Variants in PCDHGA2 observed in about 807,000 individuals in gnomAD.
PCDHGA2 encodes the protein protocadherin gamma subfamily A, 2, also known as protocadherin gamma-A2.
In PCDHGA2, 40 loss-of-function variants were observed where a neutral mutation model predicts 59.2. That is an observed-to-expected ratio of 0.68 (90% CI 0.52 to 0.88). The LOEUF (loss-of-function observed/expected upper bound fraction) is 0.88, where lower values mean the gene tolerates loss of function less well. Among genes scored for constraint, PCDHGA2 ranks in the 40% least tolerant of loss-of-function variants. PCDHGA2 has a pLI of 0.00. For missense variants in PCDHGA2, 1,226 were observed against 1,204.0 expected (o/e 1.02, Z -0.27); for synonymous variants, 560 against 526.0 (o/e 1.06, Z -0.89).
intron 1 of PCDHGA2, chr5:141,362,094 A>G (rs749569389): frequency 6.2e-7 from 1 of 1,613,384 alleles, no homozygotes; most frequent in East Asian, 2.2e-5. Context: ...GACAGCCGCC[A>G]CTCTCCGCTA....
chr5:141,466,223 T>C (rs1313406487), intron 1 of PCDHGA2, among the ~76,000 whole-genome samples: 1 of 152,096 alleles, frequency 6.6e-6, no homozygotes, highest in African/African-American at 2.4e-5. Context: ...CAGGCTGGAG[T>C]GCAGTGGCAC....
intron 1 of PCDHGA2, chr5:141,405,524 A>T (rs1430059160): frequency 7.4e-6 from 5 of 677,158 alleles, no homozygotes; most frequent in Non-Finnish European, 1.2e-5. Context: ...AATTCAAGCG[A>T]TTCTCCTGCC....
At chr5:141,351,308 A>C (rs1758689711) in intron 1 of PCDHGA2, 1 of 1,613,836 alleles carries the variant, frequency 6.2e-7, no homozygotes, top group African/African-American at 1.3e-5. Context: ...GTCCTTCTCT[A>C]ACCAGATTCC....
chr5:141,345,862 A>C (rs1166256856), intron 1 of PCDHGA2: 1 of 1,612,574 alleles, frequency 6.2e-7, no homozygotes, highest in Non-Finnish European at 8.5e-7. Flanking sequence ...CGCCTGCTCA[A>C]GGCCAGCGAG....
At chr5:141,390,565 G>A in intron 1 of PCDHGA2, 2 of 420,818 alleles carry the variant, frequency 4.8e-6, no homozygotes, top group Non-Finnish European at 8.5e-6. Context: ...ACAGTTGTTG[G>A]CTCTCTCCTA....
chr5:141,357,443 C>G, intron 1 of PCDHGA2: 2 of 1,614,222 alleles, frequency 1.2e-6, no homozygotes, highest in Non-Finnish European at 8.5e-7. Flanking sequence ...GGGGTTCGGG[C>G]TTTCCTGCAG....
Position 141,431,601 on chromosome 5 carries a change from T to G in PCDHGA2, c.2425-63206T>G. 1 of 1,614,202 alleles carries G rather than the reference T, an allele frequency of 6.2e-7. No homozygotes were observed. Among genetic ancestry groups the G allele is most frequent in the Non-Finnish European group, 8.5e-7 (1 of 1,180,032 alleles). On this transcript the variant is annotated intron_variant, in intron 1 of 3. Transcript: ENST00000394576. The surrounding 1 kb of genome is among the most constrained non-coding windows in gnomAD (Gnocchi z 4.8). Reference sequence around the variant, plus strand: ...GTCAATGCGGAAGTGAGGTATTCCTTCCGGTATGTGGACGACAAGGCGGCC... The same window carrying G: ...GTCAATGCGGAAGTGAGGTATTCCTGCCGGTATGTGGACGACAAGGCGGCC...
At chr5:141,502,082 G>A (rs538827992) in intron 2 of PCDHGA2, among the ~76,000 whole-genome samples, 1 of 152,252 alleles carries the variant, frequency 6.6e-6, no homozygotes, top group Non-Finnish European at 1.5e-5. Flanking sequence ...ACCTGGGGCT[G>A]AGAACACCTG....
In PCDHGA2 at chr5:141,476,331, C is replaced by T; in HGVS notation, c.2425-18476C>T. On this transcript the variant is annotated intron_variant, in intron 1 of 3. Transcript: ENST00000394576. This position sits in a 1 kb window ranked among gnomAD's most constrained non-coding sequence, Gnocchi z 7.6. Reference sequence around the variant, plus strand: ...CGCAGGTTCCGGGTGGTGTCTGGAGCTAGCCGAAGATTCTTTGAGGTGAAC... The same window carrying T: ...CGCAGGTTCCGGGTGGTGTCTGGAGTTAGCCGAAGATTCTTTGAGGTGAAC... 1.2e-6 allele frequency: 2 copies of T among 1,614,156 alleles called. No individual in the cohort carries two copies. Among genetic ancestry groups the T allele is most frequent in the Non-Finnish European group, 1.7e-6 (2 of 1,180,042 alleles).
At chr5:141,345,556 A>C (rs1757595132) in intron 1 of PCDHGA2, 1 of 1,613,822 alleles carries the variant, frequency 6.2e-7, no homozygotes, top group Non-Finnish European at 8.5e-7. Context: ...GTCTCTATCA[A>C]CTCCAACACT....
At chr5:141,502,907 G>C (rs1335363561) in intron 2 of PCDHGA2, among the ~76,000 whole-genome samples, 2 of 138,924 alleles carry the variant, frequency 1.4e-5, no homozygotes, top group Non-Finnish European at 3.0e-5. Context: ...CTGTTGCCAG[G>C]CTGGAGTGCA....
intron 1 of PCDHGA2, chr5:141,346,668 T>C: frequency 1.4e-6 from 1 of 708,510 alleles, no homozygotes; most frequent in Non-Finnish European, 2.3e-6. Context: ...AAATAATACA[T>C]CGTGAGTGAA....
chr5:141,439,131 T>A (rs2098090046), intron 1 of PCDHGA2, among the ~76,000 whole-genome samples: 1 of 150,502 alleles, frequency 6.6e-6, no homozygotes, highest in Non-Finnish European at 1.5e-5. Flanking sequence ...AGACAGAGGT[T>A]GCAGTGAGCT....
intron 1 of PCDHGA2, among the ~76,000 whole-genome samples, chr5:141,349,468 A>G (rs1457448443): frequency 6.6e-6 from 1 of 152,214 alleles, no homozygotes; most frequent in Non-Finnish European, 1.5e-5. Flanking sequence ...GTGTACCCCA[A>G]CACTAAATTG....
At position 141,432,807 on chromosome 5, in the gene PCDHGA2, ACT is replaced by A. The variant is rs542925824; in HGVS notation, c.2425-61997_2425-61996del. On this transcript the variant is annotated intron_variant, in intron 1 of 3. Coordinates refer to ENST00000394576, the MANE Select transcript of PCDHGA2 (RefSeq NM_018915.4). This position sits in a 1 kb window ranked among gnomAD's most constrained non-coding sequence, Gnocchi z 6.0. ...CTCGGCAGCCTCGAGTCTCCAGCTA[ACT>A]CTGAAACCTCAGACCTCACTCTGTA... 352 of 1,613,946 alleles carry A rather than the reference ACT, an allele frequency of 2.2e-4. 2 individuals carry two copies. The African/African-American group carries it at 4.2e-3, about 19-fold the overall frequency.
At chr5:141,460,951 G>GTATATATA (rs200454978) in intron 1 of PCDHGA2, among the ~76,000 whole-genome samples, 42 of 139,772 alleles carry the variant, frequency 3.0e-4, no homozygotes, top group African/African-American at 1.1e-3. Context: ...TATGTATTAT[G>GTATATATA]TATATATATA....
At chr5:141,455,360 A>C (rs2098820130) in intron 1 of PCDHGA2, among the ~76,000 whole-genome samples, 1 of 152,112 alleles carries the variant, frequency 6.6e-6, no homozygotes, top group Non-Finnish European at 1.5e-5. Context: ...TTAATAGGCA[A>C]GAAGGAAGGG....
intron 1 of PCDHGA2, chr5:141,367,567 A>C (rs1357501052): frequency 1.3e-5 from 2 of 150,962 alleles, no homozygotes; most frequent in Non-Finnish European, 3.0e-5. Flanking sequence ...TAAATAAATA[A>C]ATAAATATCA....
At chr5:141,355,704 G>A (rs1022748155) in intron 1 of PCDHGA2, 1 of 1,613,868 alleles carries the variant, frequency 6.2e-7, no homozygotes, top group East Asian at 2.2e-5. Flanking sequence ...ACTCCCTGCA[G>A]GGTTACCAGC....
Sources: gnomAD v4.1 joint callset for allele counts (sites outside exome capture counted in the v4.1 genomes callset) on GRCh38, gnomAD v4.1.1 for gene constraint, Gnocchi (gnomAD v3.1) non-coding constraint, MANE v1.5 for transcripts, NCBI Gene and HGNC (gene_info 2026-07-23, HGNC 2026-07-21) for gene names.